The following TAF3 variants were observed in gnomAD, a reference collection of about 807,000 sequenced individuals.
TAF3 encodes the protein transcription initiation factor TFIID subunit 3.
Under a neutral mutation model 80.6 loss-of-function variants are expected in TAF3, and 7 were observed. The observed-to-expected ratio is 0.09, with a 90% CI of 0.05 to 0.16. TAF3 has a LOEUF of 0.16. Ranked by LOEUF, TAF3 falls within the 10% of genes least tolerant of loss-of-function variation. The pLI is 1.00. For missense variants in TAF3, 921 were observed against 1,140.2 expected (o/e 0.81, Z 2.77); for synonymous variants, 444 against 446.1 (o/e 1.00, Z 0.06).
At chr10:7,975,691 A>T (rs893408428) in intron 3 of TAF3, among the ~76,000 whole-genome samples, 1 of 151,878 alleles carries the variant, frequency 6.6e-6, no homozygotes, top group Non-Finnish European at 1.5e-5. Flanking sequence ...GTAGATCTTG[A>T]TGGGCTGAGG....
intron 4 of TAF3, among the ~76,000 whole-genome samples, chr10:7,979,153 T>G (rs4277004): frequency 0.5 from 75,988 of 151,718 alleles, 19,283 homozygotes; most frequent in Admixed American, 0.58. Flanking sequence ...GACCATCCTG[T>G]CTAACACGGT....
intron 2 of TAF3, among the ~76,000 whole-genome samples, chr10:7,865,351 C>T (rs1334782544): frequency 1.3e-5 from 2 of 151,882 alleles, no homozygotes; most frequent in Non-Finnish European, 2.9e-5. Context: ...TGGTGGCGGG[C>T]GCCTGTAGTC....
At chr10:7,979,864 T>C (rs980005329) in intron 4 of TAF3, among the ~76,000 whole-genome samples, 1 of 152,204 alleles carries the variant, frequency 6.6e-6, no homozygotes, top group African/African-American at 2.4e-5. Context: ...CAGCAAATTA[T>C]GGGCCAAATC....
Position 7,946,950 on chromosome 10 carries a change from C to T in TAF3, c.410-16970C>T, listed in dbSNP as rs116001889. On this transcript the variant is annotated intron_variant, in intron 2 of 6. Coordinates refer to ENST00000344293, the MANE Select transcript of TAF3 (RefSeq NM_031923.4). ...ATAATTATTTGTTTGTTTTTGGAGG[C>T]GGATTCTCGCTACACTGCCCAGGCT... Among the ~76,000 whole-genome samples the T allele has an allele frequency of 6.2e-3, 942 of 152,152 alleles. 9 individuals carry two copies. Among genetic ancestry groups the T allele is most frequent in the African/African-American group, 0.021 (882 of 41,490 alleles).
At chr10:7,845,678 C>G (rs1335367373) in intron 2 of TAF3, among the ~76,000 whole-genome samples, 3 of 152,152 alleles carry the variant, frequency 2.0e-5, no homozygotes, top group African/African-American at 7.2e-5. Context: ...GAGGTCTCAT[C>G]TGAAATGAAG....
intron 2 of TAF3, among the ~76,000 whole-genome samples, chr10:7,897,619 A>G (rs567966963): frequency 1.7e-4 from 26 of 150,744 alleles, no homozygotes; most frequent in African/African-American, 6.1e-4. Context: ...TTATTTTCGC[A>G]TAACTTCCTT....
rs1406386249 is a variant in TAF3, at chr10:7,964,090, C to T, written c.580C>T (p.Arg194Trp). ...AGCTGAAGAACTGCCAGCCATGAAGCGGCCTCGGCTATTAAGCACTAAAGG... is the reference window on the plus strand; with the variant it reads ...AGCTGAAGAACTGCCAGCCATGAAGTGGCCTCGGCTATTAAGCACTAAAGG... ...PEAEELPAMK[R>W]PRLLSTKGDT... is the part of the protein sequence containing the mutation. Residue 194 changes from arginine (R) to tryptophan (W), a missense_variant, in exon 3 of 7, where the codon CGG becomes TGG. Around this residue, in one of 6 missense-constraint regions of TAF3, gnomAD observed 743 missense variants for 821.0 expected, o/e 0.90. Transcript: ENST00000344293. This position sits in a 1 kb window ranked among gnomAD's most constrained non-coding sequence, Gnocchi z 4.1. 2.2e-5 allele frequency: 36 copies of T among 1,614,024 alleles called. No homozygotes were observed. The highest frequency in any genetic ancestry group is 2.7e-5 in the Non-Finnish European group (32 of 1,180,012).
intron 3 of TAF3, among the ~76,000 whole-genome samples, chr10:7,972,197 G>A (rs1317638067): frequency 1.3e-5 from 2 of 152,176 alleles, no homozygotes; most frequent in African/African-American, 4.8e-5. Flanking sequence ...TTTGGTAAGT[G>A]CATGTGAGAA....
chr10:7,898,377 T>A (rs1300377294), intron 2 of TAF3, among the ~76,000 whole-genome samples: 1 of 151,898 alleles, frequency 6.6e-6, no homozygotes, highest in Non-Finnish European at 1.5e-5. Flanking sequence ...TGAAACCCCG[T>A]CTCTACAAAA....
chr10:8,000,969 T>A (rs555724885), intron 4 of TAF3, among the ~76,000 whole-genome samples: 2 of 152,352 alleles, frequency 1.3e-5, no homozygotes, highest in African/African-American at 4.8e-5. Flanking sequence ...TTTGTGTGTG[T>A]GCACACATGT....
At chr10:7,830,334 C>T (rs566638431) in intron 2 of TAF3, among the ~76,000 whole-genome samples, 2 of 150,992 alleles carry the variant, frequency 1.3e-5, no homozygotes, top group Admixed American at 6.6e-5. Flanking sequence ...CTTCCTCCCT[C>T]CCTCCAAAAA....
chr10:7,840,257 A>G (rs572401142), intron 2 of TAF3, among the ~76,000 whole-genome samples: 93 of 151,172 alleles, frequency 6.2e-4, no homozygotes, highest in African/African-American at 2.0e-3. Flanking sequence ...GGTTCACGCC[A>G]TTCTCCTGCC....
chr10:7,874,396 A>G (rs1169897252), intron 2 of TAF3, among the ~76,000 whole-genome samples: 3 of 152,180 alleles, frequency 2.0e-5, no homozygotes, highest in East Asian at 1.9e-4. Context: ...TTGAAGTTAT[A>G]TATATCTTAC....
intron 2 of TAF3, among the ~76,000 whole-genome samples, chr10:7,947,064 A>G (rs954723106): frequency 1.3e-5 from 2 of 152,162 alleles, no homozygotes; most frequent in Non-Finnish European, 2.9e-5. Flanking sequence ...GCCTGGCCAC[A>G]ACTTTTCTTT....
At chr10:8,000,268 C>G (rs1474771394) in intron 4 of TAF3, among the ~76,000 whole-genome samples, 1 of 151,928 alleles carries the variant, frequency 6.6e-6, no homozygotes, top group Non-Finnish European at 1.5e-5. Flanking sequence ...AGGCATGCAC[C>G]ACCACGCCCA....
chr10:7,854,899 G>A (rs1030881172), intron 2 of TAF3, among the ~76,000 whole-genome samples: 3 of 152,296 alleles, frequency 2.0e-5, no homozygotes, highest in East Asian at 3.9e-4. Flanking sequence ...AGCAAAAGTG[G>A]TATTTGTTAA....
intron 2 of TAF3, among the ~76,000 whole-genome samples, chr10:7,856,858 CA>C (rs57207229): frequency 0.025 from 2,309 of 91,100 alleles, 24 homozygotes; most frequent in African/African-American, 0.073. Context: ...AGCTGGTTCT[CA>C]AAAAAAAAAA....
intron 5 of TAF3, among the ~76,000 whole-genome samples, chr10:8,012,279 A>G (rs923234693): frequency 7.9e-5 from 12 of 152,246 alleles, no homozygotes; most frequent in African/African-American, 2.9e-4. Flanking sequence ...TACAAAGGCT[A>G]GAGAGCAAAA....
chr10:7,862,395 T>C (rs1312782), intron 2 of TAF3, among the ~76,000 whole-genome samples: 67,526 of 151,978 alleles, frequency 0.44, 15,243 homozygotes, highest in South Asian at 0.64. Context: ...GTTACCTTAG[T>C]TCAACTCAAA....
Sources: gnomAD v4.1 joint callset for allele counts (sites outside exome capture counted in the v4.1 genomes callset) on GRCh38, gnomAD v4.1.1 for gene constraint, gnomAD v4.1.1 regional missense constraint, Gnocchi (gnomAD v3.1) non-coding constraint, MANE v1.5 for transcripts, NCBI Gene and HGNC (gene_info 2026-07-23, HGNC 2026-07-21) for gene names.